Variants in DIO2 observed in about 807,000 individuals in gnomAD.
DIO2 encodes the protein type II iodothyronine deiodinase.
In DIO2, 19 loss-of-function variants were observed where a neutral mutation model predicts 21.4. That is an observed-to-expected ratio of 0.89 (90% CI 0.62 to 1.30). The LOEUF (loss-of-function observed/expected upper bound fraction) is 1.30, where lower values mean the gene tolerates loss of function less well. DIO2 is among the 50% of genes most tolerant of loss of function. The probability of loss-of-function intolerance (pLI) is 0.00; values close to 1 mark genes in which losing one functional copy is unlikely to be tolerated. For missense variants in DIO2, 302 were observed against 338.1 expected (o/e 0.89, Z 0.84); for synonymous variants, 122 against 132.9 (o/e 0.92, Z 0.57).
chr14:80,225,029 G>C (rs1266092198), intron 2 of DIO2, among the ~76,000 whole-genome samples: 3 of 152,164 alleles, frequency 2.0e-5, no homozygotes, highest in African/African-American at 4.8e-5. Context: ...TGTAGTCTGG[G>C]AGGCTAGGCC....
chr14:80,213,175 A>T (rs1888267149), upstream of DIO2, among the ~76,000 whole-genome samples: 1 of 152,200 alleles, frequency 6.6e-6, no homozygotes. Context: ...ATGAGTCTTT[A>T]GGACAGGTAT....
intron 1 of DIO2, among the ~76,000 whole-genome samples, chr14:80,207,223 T>C (rs1409739618): frequency 3.3e-5 from 5 of 152,108 alleles, no homozygotes; most frequent in Non-Finnish European, 7.4e-5. Flanking sequence ...AATATGAACA[T>C]GAACATAAAC....
At chr14:80,215,182 C>T (rs770094227), upstream of DIO2, among the ~76,000 whole-genome samples, 9 of 152,140 alleles carry the variant, frequency 5.9e-5, no homozygotes, top group Non-Finnish European at 7.3e-5. Context: ...TTTCCCCATA[C>T]GATATTCCAC....
rs1048024009 is a variant in DIO2 at position 80,202,538 on chromosome 14, T to C, written c.*151A>G. 3.1e-5 allele frequency: 25 copies of C among 803,214 alleles called. No homozygotes were observed. The highest frequency in any genetic ancestry group is 2.9e-4 in the African/African-American group (17 of 57,942). The allele number at this position is 803,214 out of a possible 1,614,324, so 49.8% of individuals were successfully genotyped here. A position where few individuals can be genotyped will look rare whatever the true frequency, so the allele number is the denominator to read the frequency against. ...AATGCCATTTGAGTAGTGAAAGAAG[T>C]ATGGAGCTGTTAGAGATTCATGTTC... On this transcript the variant is annotated 3_prime_UTR_variant, in exon 2 of 2. Coordinates refer to ENST00000438257, the MANE Select transcript of DIO2 (RefSeq NM_013989.5).
upstream of DIO2, chr14:80,216,167 G>T (rs1888348119): frequency 6.6e-6 from 1 of 152,034 alleles, no homozygotes; most frequent in Admixed American, 6.6e-5. Flanking sequence ...AGACAGAGGG[G>T]GAGAAAAAGA....
At position 80,223,578 on chromosome 14, in the gene DIO2, T is replaced by G. The variant is rs1414205108; in HGVS notation, c.-277-6841A>C. 3.3e-5 allele frequency among the ~76,000 whole-genome samples: 5 copies of G among 152,310 alleles called. No individual in the cohort carries two copies. In the East Asian group the frequency reaches 9.6e-4, roughly 29 times the overall value. On this transcript the variant is annotated intron_variant, in intron 2 of 4. Transcript: ENST00000553594. ...ACAAAAGTTATGTTAGGTACAGCAT[T>G]CAAGTCAGCAGGAAAGGACTTCTGT...
At chr14:80,221,093 T>C (rs942728538) in intron 2 of DIO2, among the ~76,000 whole-genome samples, 1 of 152,226 alleles carries the variant, frequency 6.6e-6, no homozygotes, top group African/African-American at 2.4e-5. Context: ...CTACTCAGCA[T>C]AAGCTCCTAA....
intron 1 of DIO2, among the ~76,000 whole-genome samples, 160 bp downstream of exon 1, chr14:80,211,091 T>G (rs1008806678): frequency 6.6e-6 from 1 of 152,152 alleles, no homozygotes; most frequent in African/African-American, 2.4e-5. Flanking sequence ...CAAGCTAACC[T>G]GTGCAACAGG....
chr14:80,202,442 C>A lies in DIO2; in HGVS notation c.*247G>T. 1.4e-6 allele frequency: 1 copy of A among 724,482 alleles called. No homozygotes were observed. Among genetic ancestry groups the A allele is most frequent in the Non-Finnish European group, 2.5e-6 (1 of 393,480 alleles). 44.9% of individuals were successfully genotyped at this position (724,482 alleles called of 1,614,324 possible). ...ACATGCTGAATTAGCGTTTCTTCCT[C>A]TCCATCTTGGGATCTTTTCACATAG... On this transcript the variant is annotated 3_prime_UTR_variant, in exon 2 of 2. Coordinates refer to ENST00000438257, the MANE Select transcript of DIO2 (RefSeq NM_013989.5).
upstream of DIO2, among the ~76,000 whole-genome samples, chr14:80,216,349 G>A (rs1382849836): frequency 5.3e-5 from 8 of 152,168 alleles, no homozygotes; most frequent in Non-Finnish European, 1.0e-4. Flanking sequence ...ACAGCTGTCC[G>A]GTATCTGGAT....
chr14:80,202,883 C>A lies in DIO2; in HGVS notation c.628G>T (p.Val210Phe). The change falls in exon 2 of 2, where the codon GTT becomes TTT. Residue 210 changes from valine (V) to phenylalanine (F), a missense_variant. By Grantham distance (50) the Val-to-Phe change is conservative. Transcript: ENST00000438257. ...ERFSLPPQCR[V>F]VADRMDNNAN... ...TTATTGTCCATGCGGTCAGCCACAA[C>A]TCGGCACTGGGGCGGCAAGGAGAAA... 6.2e-7 allele frequency: 1 copy of A among 1,613,968 alleles called. No homozygotes were observed. Among genetic ancestry groups the A allele is most frequent in the Non-Finnish European group, 8.5e-7 (1 of 1,179,884 alleles).
intron 2 of DIO2, among the ~76,000 whole-genome samples, chr14:80,225,324 G>C (rs1186381448): frequency 6.6e-6 from 1 of 151,972 alleles, no homozygotes; most frequent in Non-Finnish European, 1.5e-5. Context: ...CAATAATAAG[G>C]TCATAATTAC....
At chr14:80,229,890 G>A (rs1888650866) in intron 2 of DIO2, among the ~76,000 whole-genome samples, 1 of 152,072 alleles carries the variant, frequency 6.6e-6, no homozygotes, top group Non-Finnish European at 1.5e-5. Flanking sequence ...AACTCAAACA[G>A]TTCTTTTTGA....
intron 2 of DIO2, among the ~76,000 whole-genome samples, chr14:80,218,074 T>C (rs1162472749): frequency 6.6e-6 from 1 of 152,198 alleles, no homozygotes; most frequent in African/African-American, 2.4e-5. Flanking sequence ...TTCAAGTTTA[T>C]AAGAAACTTA....
rs769326099 is a variant in DIO2, at chr14:80,204,959, G to C, written c.223-1671C>G. The stretch of plus-strand genomic sequence containing the variant: ...TTCCTTCTCAGAAAGGAAGCTGCTG[G>C]TGTGATTTAAGTAAGTACATTTGTT... On this transcript the variant is annotated intron_variant, in intron 1 of 1. Transcript: ENST00000438257. Among the ~76,000 whole-genome samples the C allele has an allele frequency of 2.6e-5, 4 of 152,062 alleles. No individual in the cohort carries two copies. The South Asian group carries it at 8.3e-4, about 32-fold the overall frequency.
intron 2 of DIO2, among the ~76,000 whole-genome samples, chr14:80,223,300 A>G (rs1888503922): frequency 6.6e-6 from 1 of 152,198 alleles, no homozygotes; most frequent in African/African-American, 2.4e-5. Context: ...TAGCCCCTGG[A>G]TGAAGTTACA....
chr14:80,197,673 T>C lies in DIO2; in HGVS notation c.*5016A>G, dbSNP rs1887531637. On this transcript the variant is annotated 3_prime_UTR_variant, in exon 2 of 2. Coordinates refer to ENST00000438257, the MANE Select transcript of DIO2 (RefSeq NM_013989.5). ...TCTGCAACTGAGAAGCACATATGTG[T>C]AGCATATGCACGCGTGCATTCTCAC... 1 of 152,648 alleles carries C rather than the reference T, an allele frequency of 6.6e-6. No individual in the cohort carries two copies. Among genetic ancestry groups the C allele is most frequent in the African/African-American group, 2.4e-5 (1 of 41,442 alleles). 9.5% of individuals were successfully genotyped at this position (152,648 alleles called of 1,614,324 possible).
intron 1 of DIO2, among the ~76,000 whole-genome samples, chr14:80,203,772 T>C (rs963142449): frequency 1.3e-5 from 2 of 152,238 alleles, no homozygotes; most frequent in African/African-American, 4.8e-5. Context: ...TCTTGCATGA[T>C]ACTAAGTCAT....
chr14:80,224,553 T>C (rs1363190866), intron 2 of DIO2, among the ~76,000 whole-genome samples: 1 of 132,248 alleles, frequency 7.6e-6, no homozygotes, highest in Non-Finnish European at 1.7e-5. Context: ...AATGAGAAGA[T>C]GGAACACAAT....
Sources: allele counts gnomAD v4.1 joint callset (sites outside exome capture counted in the v4.1 genomes callset), GRCh38; gene constraint gnomAD v4.1.1; transcripts MANE v1.5; gene names NCBI Gene and HGNC (gene_info 2026-07-23, HGNC 2026-07-21).